The following COL5A1 variants were observed in gnomAD, a reference collection of about 807,000 sequenced individuals.
The protein encoded by COL5A1 is collagen type V alpha 1 chain.
In COL5A1, 16 loss-of-function variants were observed where a neutral mutation model predicts 263.7. The ratio of observed to expected loss-of-function variants is 0.06; its 90% confidence interval spans 0.04 to 0.09. The LOEUF is 0.09. Among genes scored for constraint, COL5A1 ranks in the 10% least tolerant of loss-of-function variants. The pLI, the probability that COL5A1 is intolerant of heterozygous loss-of-function variation, is 1.00. For missense variants in COL5A1, 2,036 were observed against 2,540.5 expected, an observed-to-expected ratio of 0.80 and a Z score of 4.27; for synonymous variants, 1,012 against 1,004.5, an observed-to-expected ratio of 1.01 and a Z score of -0.14.
In COL5A1 at chr9:134,642,040, A is replaced by T. The variant is rs1386389893; in HGVS notation, c.-148A>T. On this transcript the variant is annotated 5_prime_UTR_variant, in exon 1 of 66. Transcript: ENST00000371817. This position sits in a 1 kb window ranked among gnomAD's most constrained non-coding sequence, Gnocchi z 4.5. ...CCCTTCCAGAACAGCCGCCGCCACA[A>T]AGAAGAACGGGGGGTGCCGAGGTCC... is the stretch of plus-strand genomic sequence containing the variant. 2.9e-6 allele frequency: 2 copies of T among 680,816 alleles called. No individual in the cohort carries two copies. Among genetic ancestry groups the T allele is most frequent in the Non-Finnish European group, 4.1e-6 (2 of 485,400 alleles). 42.2% of individuals were successfully genotyped at this position (680,816 alleles called of 1,614,324 possible).
intron 13 of COL5A1, among the ~76,000 whole-genome samples, 168 bp from the exon 14 acceptor site, chr9:134,752,418 TCGG>T (rs778177898): frequency 1.1e-4 from 1 of 9,476 alleles, no homozygotes; most frequent in Admixed American, 1.4e-3. Context: ...CCCATCGAAG[TCGG>T]GGGGGGGGGG....
intron 1 of COL5A1, among the ~76,000 whole-genome samples, chr9:134,665,962 C>T (rs1190494845): frequency 6.6e-6 from 1 of 152,198 alleles, no homozygotes; most frequent in African/African-American, 2.4e-5. Context: ...TGGCACATGC[C>T]TGTGGTCCCA....
intron 64 of COL5A1, chr9:134,833,000 G>A (rs12003643): frequency 0.49 from 75,286 of 152,104 alleles, 19,402 homozygotes; most frequent in Middle Eastern, 0.64. Flanking sequence ...TTCGGAGCAG[G>A]CCAGAGGCAG....
chr9:134,687,282 A>T (rs1468559271), intron 1 of COL5A1, among the ~76,000 whole-genome samples: 1 of 152,188 alleles, frequency 6.6e-6, no homozygotes, highest in Non-Finnish European at 1.5e-5. Context: ...TGCACCCTGC[A>T]TCCTTATGCA....
In COL5A1 at chr9:134,753,892, G is replaced by T; in HGVS notation, c.1762G>T (p.Val588Leu). The change falls in exon 15 of 66, where the codon GTG (valine) becomes TTG (leucine). Residue 588 changes from valine to leucine, a missense_variant. Transcript: ENST00000371817. ...AGGTTTGAAGGGCGAGCCGGGAGAC[G>T]TGGGGCCTCAGGTATGTGGGATCCT... ...SGGLKGEPGD[V>L]GPQGPRGVQG... is the part of the protein sequence containing the mutation. 6.2e-7 allele frequency: 1 copy of T among 1,613,702 alleles called. No individual in the cohort carries two copies.
chr9:134,793,826 T>C (rs73560080), intron 32 of COL5A1, among the ~76,000 whole-genome samples: 9,723 of 152,316 alleles, frequency 0.064, 456 homozygotes, highest in African/African-American at 0.12. Flanking sequence ...GATATCACCA[T>C]AGTAATTGAA....
intron 1 of COL5A1, among the ~76,000 whole-genome samples, chr9:134,669,241 C>CCTTCT (rs1832459192): frequency 3.9e-5 from 2 of 50,890 alleles, no homozygotes; most frequent in Admixed American, 3.7e-4. Context: ...CCTTTCCTTC[C>CCTTCT]CTTCCCTTCC....
At position 134,680,625 on chromosome 9, in the gene COL5A1, G is replaced by A. The variant is rs1052430997; in HGVS notation, c.110-10287G>A. Among the ~76,000 whole-genome samples, 2 of 152,342 alleles carry A rather than the reference G, an allele frequency of 1.3e-5. No homozygotes were observed. Among genetic ancestry groups the A allele is most frequent in the East Asian group, 1.9e-4 (1 of 5,182 alleles). ...AAAAGGCCTTGAGGTGGGGCCCCAGGGGCTTGGGGAGGGTGGCCATGCTGT... is the reference window on the plus strand; with the variant it reads ...AAAAGGCCTTGAGGTGGGGCCCCAGAGGCTTGGGGAGGGTGGCCATGCTGT... On this transcript the variant is annotated intron_variant, in intron 1 of 65. Transcript: ENST00000371817. This position sits in a 1 kb window ranked among gnomAD's most constrained non-coding sequence, Gnocchi z 5.9.
In COL5A1 at chr9:134,816,085, C is replaced by A. The variant is rs79991766; in HGVS notation, c.4122+97C>A. 2.1e-3 allele frequency: 2,464 copies of A among 1,171,174 alleles called. 33 individuals are homozygous for A. The African/African-American group carries it at 0.028, about 13-fold the overall frequency. 72.5% of individuals were successfully genotyped at this position (1,171,174 alleles called of 1,614,324 possible). A position where few individuals can be genotyped will look rare whatever the true frequency, so the allele number is the denominator to read the frequency against. On this transcript the variant is annotated intron_variant, in intron 52 of 65. Transcript: ENST00000371817. ...ACTCATTTCTGGGAAAAACTCCAAC[C>A]TAGTTGATATTGATTCCTTTATGAT...
chr9:134,677,650 C>T lies in COL5A1; in HGVS notation c.110-13262C>T, dbSNP rs772397418. Among the ~76,000 whole-genome samples, 33 of 152,204 alleles carry T rather than the reference C, an allele frequency of 2.2e-4. No individual in the cohort carries two copies. The highest frequency in any genetic ancestry group is 4.8e-4 in the African/African-American group (20 of 41,448). Reference sequence around the variant, plus strand: ...GCCGTCCCTGGGGCCATTCTTCAAGCGCCCTTTTCCATCCTGTAGTGAGCC... The same window carrying T: ...GCCGTCCCTGGGGCCATTCTTCAAGTGCCCTTTTCCATCCTGTAGTGAGCC... On this transcript the variant is annotated intron_variant, in intron 1 of 65. Coordinates refer to ENST00000371817, the MANE Select transcript of COL5A1 (RefSeq NM_000093.5). The surrounding 1 kb of genome is among the most constrained non-coding windows in gnomAD (Gnocchi z 4.4).
At chr9:134,736,887 C>G (rs775133748) in intron 9 of COL5A1, among the ~76,000 whole-genome samples, 3 of 152,240 alleles carry the variant, frequency 2.0e-5, no homozygotes, top group African/African-American at 7.2e-5. Flanking sequence ...CAAAACCCCA[C>G]AGGACGAACC....
At chr9:134,839,287 T>C (rs957638621) in intron 65 of COL5A1, among the ~76,000 whole-genome samples, 6 of 152,206 alleles carry the variant, frequency 3.9e-5, no homozygotes, top group Admixed American at 6.5e-5. Context: ...CGTTCTGGCC[T>C]GTAATGGTTA....
intron 43 of COL5A1, among the ~76,000 whole-genome samples, chr9:134,809,814 T>C (rs1281863697): frequency 2.0e-5 from 3 of 152,206 alleles, no homozygotes; most frequent in Non-Finnish European, 4.4e-5. Context: ...ATGACCCCTC[T>C]CTGGGGACAT....
chr9:134,733,214 C>T (rs116961904), intron 9 of COL5A1, among the ~76,000 whole-genome samples: 2,546 of 152,312 alleles, frequency 0.017, 26 homozygotes, highest in Non-Finnish European at 0.024. Flanking sequence ...CACAGTGACC[C>T]GCCACCCTAC....
intron 19 of COL5A1, among the ~76,000 whole-genome samples, chr9:134,762,204 C>A (rs542294439): frequency 1.3e-5 from 2 of 152,340 alleles, no homozygotes; most frequent in African/African-American, 2.4e-5. Context: ...GTTACTCCAT[C>A]GGTCCTGCTG....
intron 32 of COL5A1, among the ~76,000 whole-genome samples, chr9:134,792,595 C>CGA (rs1266176186): frequency 1.3e-5 from 2 of 152,096 alleles, no homozygotes; most frequent in East Asian, 3.9e-4. Flanking sequence ...GAACTCCTGA[C>CGA]CTCAAGTGAT....
chr9:134,811,574 G>C lies in COL5A1; in HGVS notation c.3665G>C (p.Gly1222Ala). ...KGDEGPRGFPGPPGPVGLQGL... is the reference protein window; with the variant it reads ...KGDEGPRGFPAPPGPVGLQGL... Reference sequence around the variant, plus strand: ...GATGAAGGTCCCAGAGGCTTTCCTGGACCCCCTGGGCCAGTGGGGCTGCAG... The same window carrying C: ...GATGAAGGTCCCAGAGGCTTTCCTGCACCCCCTGGGCCAGTGGGGCTGCAG... The change falls in exon 46 of 66, where the codon GGA becomes GCA. Residue 1222 changes from glycine to alanine, a missense_variant. Transcript: ENST00000371817. The C allele has an allele frequency of 1.3e-6, 2 of 1,562,676 alleles. No homozygotes were observed. Among genetic ancestry groups the C allele is most frequent in the East Asian group, 4.8e-5 (2 of 41,324 alleles).
chr9:134,808,651 T>G (rs996580253), intron 42 of COL5A1, among the ~76,000 whole-genome samples: 1 of 152,256 alleles, frequency 6.6e-6, no homozygotes, highest in African/African-American at 2.4e-5. Context: ...CATGCATACC[T>G]GTGTACATAG....
intron 43 of COL5A1, among the ~76,000 whole-genome samples, chr9:134,809,678 A>C (rs1031857541): frequency 4.6e-5 from 7 of 152,204 alleles, no homozygotes; most frequent in Admixed American, 1.3e-4. Context: ...TCTCCGCTTG[A>C]ATTATCCAGG....
Sources: gnomAD v4.1 joint callset for allele counts (sites outside exome capture counted in the v4.1 genomes callset) on GRCh38, gnomAD v4.1.1 for gene constraint, Gnocchi (gnomAD v3.1) non-coding constraint, MANE v1.5 for transcripts, NCBI Gene and HGNC (gene_info 2026-07-23, HGNC 2026-07-21) for gene names.